The following COL6A5 variants were observed in gnomAD, a reference collection of about 807,000 sequenced individuals.
The protein encoded by COL6A5 is collagen alpha-5(VI) chain.
A neutral mutation model predicts 65.6 loss-of-function variants in COL6A5; 48 were observed. The observed-to-expected ratio is 0.73, with a 90% confidence interval of 0.58 to 0.93. The LOEUF is 0.93. Among genes scored for constraint, COL6A5 ranks in the 40% least tolerant of loss-of-function variants. COL6A5 has a pLI of 0.00. For synonymous variants in COL6A5, 291 were observed against 322.8 expected (o/e 0.90, Z 1.05); for missense variants, 914 against 928.3 (o/e 0.98, Z 0.20).
chr3:130,366,665 G>A (rs1486914512), intron 1 of COL6A5, among the ~76,000 whole-genome samples: 2 of 152,102 alleles, frequency 1.3e-5, no homozygotes, highest in Non-Finnish European at 2.9e-5. Flanking sequence ...TCCTTTTGAT[G>A]TCTTTTTATA....
chr3:130,376,304 A>T, exon 3 of COL6A5: 1 of 1,613,620 alleles, frequency 6.2e-7, no homozygotes, highest in Non-Finnish European at 8.5e-7. Context: ...GACCTAAGTC[A>T]TTCCCATTCG....
intron 1 of COL6A5, 140 bp from the exon 34 acceptor site, chr3:130,439,382 C>A (rs1709115021): frequency 7.3e-5 from 38 of 523,584 alleles, no homozygotes; most frequent in Non-Finnish European, 7.2e-5. Context: ...TGTGTGTGAA[C>A]ATGCACTGAA....
Position 130,418,928 on chromosome 3 carries a change from A to G in COL6A5, c.4947A>G (p.Arg1649=), listed in dbSNP as rs1172927696. ...TGGGGCAAACTGGGCAGCGAGGAAG[A>G]CAGGTATGAAGTTTTGAAGTCCCTA... Residue 1649 remains arginine (R), a synonymous_variant and NMD_transcript_variant, in exon 25 of 42, where the codon AGA becomes AGG. Coordinates refer to the COL6A5 transcript ENST00000312481. The G allele has an allele frequency of 3.9e-6, 6 of 1,550,644 alleles. No homozygotes were observed. In the African/African-American group the frequency reaches 8.2e-5, roughly 21 times the overall value.
chr3:130,354,285 A>T (rs1269355127), intron 1 of COL6A5, among the ~76,000 whole-genome samples: 2 of 152,126 alleles, frequency 1.3e-5, no homozygotes, highest in Non-Finnish European at 2.9e-5. Flanking sequence ...TAATATAAGA[A>T]CCTTAGCGGG....
chr3:130,410,623 G>T, intron 20 of COL6A5, 99 bp downstream of exon 20: 2 of 1,019,738 alleles, frequency 2.0e-6, no homozygotes, highest in Non-Finnish European at 2.9e-6. Context: ...ATTCAGGGCT[G>T]AAATATTTTT....
chr3:130,461,933 T>G (rs1371704753), intron 5 of COL6A5, among the ~76,000 whole-genome samples: 1 of 151,950 alleles, frequency 6.6e-6, no homozygotes, highest in East Asian at 1.9e-4. Flanking sequence ...GACTACTGTT[T>G]CAGAGTGTGA....
intron 18 of COL6A5, among the ~76,000 whole-genome samples, chr3:130,409,751 G>A (rs1041073491): frequency 2.0e-5 from 3 of 152,096 alleles, no homozygotes; most frequent in Non-Finnish European, 4.4e-5. Context: ...GTGCATCAGT[G>A]AAGCTGCCAT....
intron 1 of COL6A5, among the ~76,000 whole-genome samples, chr3:130,438,722 A>G (rs1419283749): frequency 6.6e-6 from 1 of 152,158 alleles, no homozygotes; most frequent in Non-Finnish European, 1.5e-5. Flanking sequence ...GTTGATGGAG[A>G]GATAGCCTCC....
chr3:130,401,251 G>T (rs930864069), intron 11 of COL6A5, 78 bp downstream of exon 11: 1 of 1,308,088 alleles, frequency 7.6e-7, no homozygotes, highest in South Asian at 1.6e-5. Context: ...AACTTTCAAA[G>T]ACTGCCTTTG....
chr3:130,406,434 A>G, intron 17 of COL6A5, 113 bp downstream of exon 17: 2 of 769,666 alleles, frequency 2.6e-6, no homozygotes, highest in Non-Finnish European at 4.3e-6. Context: ...ACTTAACCAC[A>G]TAATGAAGGC....
intron 1 of COL6A5, among the ~76,000 whole-genome samples, chr3:130,355,233 C>T (rs925397633): frequency 6.6e-6 from 1 of 151,982 alleles, no homozygotes; most frequent in African/African-American, 2.4e-5. Flanking sequence ...TTAAAATAAA[C>T]TTGAAATAAC....
intron 4 of COL6A5, among the ~76,000 whole-genome samples, chr3:130,453,151 T>C (rs1389228203): frequency 6.6e-6 from 1 of 152,110 alleles, no homozygotes; most frequent in Admixed American, 6.5e-5. Flanking sequence ...CTCCTCAGCT[T>C]ACGAGATGAC....
At chr3:130,455,373 AATATGTT>A (rs1709547010) in intron 4 of COL6A5, 75 bp from the exon 37 acceptor site, 2 of 771,524 alleles carry the variant, frequency 2.6e-6, no homozygotes, top group South Asian at 3.7e-5. Flanking sequence ...GAGATAATTA[AATATGTT>A]AAATGTTAAG....
chr3:130,380,353 C>T (rs926493386), intron 4 of COL6A5, among the ~76,000 whole-genome samples: 1 of 152,138 alleles, frequency 6.6e-6, no homozygotes, highest in South Asian at 2.1e-4. Flanking sequence ...AATAGAATCA[C>T]CTGTAATTCT....
chr3:130,438,060 A>C (rs1282029997), intron 1 of COL6A5, among the ~76,000 whole-genome samples: 2 of 152,064 alleles, frequency 1.3e-5, no homozygotes, highest in East Asian at 3.9e-4. Flanking sequence ...GTGCAGTGGC[A>C]CGATCTTGGC....
At chr3:130,382,411 C>T (rs1936029363) in intron 4 of COL6A5, among the ~76,000 whole-genome samples, 1 of 152,086 alleles carries the variant, frequency 6.6e-6, no homozygotes. Flanking sequence ...CACTAGCAGC[C>T]AGTTTGCATA....
chr3:130,376,932 TAGCCA>T, intron 3 of COL6A5, 96 bp downstream of exon 3: 5 of 1,341,556 alleles, frequency 3.7e-6, no homozygotes, highest in South Asian at 3.2e-5. Flanking sequence ...TTTTCATGAT[TAGCCA>T]TGTTGAAGTA....
chr3:130,388,634 T>C, exon 6 of COL6A5: 3 of 1,551,012 alleles, frequency 1.9e-6, no homozygotes, highest in Non-Finnish European at 2.6e-6. Flanking sequence ...TCTTGGAGTA[T>C]AGGAAATGAA....
chr3:130,393,719 C>G (rs1401116645), intron 7 of COL6A5, among the ~76,000 whole-genome samples: 3 of 152,186 alleles, frequency 2.0e-5, no homozygotes, highest in Admixed American at 1.3e-4. Context: ...AACAAAGCTC[C>G]AAACCTAGCA....
Sources: gnomAD v4.1 joint callset for allele counts (sites outside exome capture counted in the v4.1 genomes callset) on GRCh38, gnomAD v4.1.1 for gene constraint, MANE v1.5 for transcripts, NCBI Gene and HGNC (gene_info 2026-07-23, HGNC 2026-07-21) for gene names.